MRRF: variants seen among roughly 807,000 people sequenced by gnomAD.
The protein encoded by MRRF is mitochondrial ribosome recycling factor.
A neutral mutation model predicts 25.1 loss-of-function variants in MRRF; 18 were observed. The observed-to-expected ratio is 0.72, with a 90% CI of 0.50 to 1.06. The LOEUF is 1.06. Ranked by LOEUF, MRRF falls within the 50% of genes least tolerant of loss-of-function variation. The pLI, the probability that MRRF is intolerant of heterozygous loss-of-function variation, is 0.00. For missense variants in MRRF, 323 were observed against 319.3 expected (o/e 1.01, Z -0.09); for synonymous variants, 113 against 112.1 (o/e 1.01, Z -0.05).
chr9:122,291,708 A>G (rs1426926509), intron 4 of MRRF, 41 bp from the exon 5 acceptor site: 1 of 1,413,668 alleles, frequency 7.1e-7, no homozygotes, highest in Non-Finnish European at 1.0e-6. Context: ...TCTGGTAATA[A>G]TTATTTACTA....
chr9:122,290,521 G>A (rs73557013), intron 4 of MRRF, among the ~76,000 whole-genome samples: 4,351 of 152,232 alleles, frequency 0.029, 189 homozygotes, highest in African/African-American at 0.094. Flanking sequence ...AGCCGTAGCA[G>A]TAAGGTTATT....
At chr9:122,271,150 C>A in intron 2 of MRRF, 75 bp downstream of exon 2, 1 of 1,224,622 alleles carries the variant, frequency 8.2e-7, no homozygotes, top group Non-Finnish European at 1.2e-6. Flanking sequence ...TGGCAGGTAT[C>A]TCAGATGTAC....
chr9:122,315,699 T>C (rs1346112022), intron 6 of MRRF, among the ~76,000 whole-genome samples: 1 of 152,014 alleles, frequency 6.6e-6, no homozygotes, highest in Non-Finnish European at 1.5e-5. Flanking sequence ...GCCGGCTCCT[T>C]GTCTTTCTCC....
At chr9:122,308,207 G>C (rs1057381486) in intron 5 of MRRF, among the ~76,000 whole-genome samples, 1 of 152,134 alleles carries the variant, frequency 6.6e-6, no homozygotes, top group Non-Finnish European at 1.5e-5. Flanking sequence ...ACCCAGCCAA[G>C]AAACTGCAAC....
chr9:122,286,435 T>C (rs928716721), intron 4 of MRRF, among the ~76,000 whole-genome samples: 28 of 152,212 alleles, frequency 1.8e-4, no homozygotes, highest in Non-Finnish European at 3.8e-4. Flanking sequence ...CCAGGCGTGG[T>C]GGCTCATGCC....
chr9:122,307,467 A>G (rs942284837), intron 5 of MRRF, among the ~76,000 whole-genome samples: 1 of 152,168 alleles, frequency 6.6e-6, no homozygotes, highest in African/African-American at 2.4e-5. Context: ...CCAAGTGGCT[A>G]AATCCTTTGT....
At chr9:122,288,479 A>C (rs1435589167) in intron 4 of MRRF, among the ~76,000 whole-genome samples, 1 of 152,262 alleles carries the variant, frequency 6.6e-6, no homozygotes, top group Non-Finnish European at 1.5e-5. Context: ...CTGTTGTGAC[A>C]GAGCCAGGAT....
At chr9:122,294,674 C>T (rs538218284) in intron 5 of MRRF, among the ~76,000 whole-genome samples, 2 of 152,230 alleles carry the variant, frequency 1.3e-5, no homozygotes, top group African/African-American at 4.8e-5. Context: ...GTAAGAGGAT[C>T]GAGGTTTTTA....
Position 122,270,859 on chromosome 9 carries a change from T to C in MRRF, c.-28-5T>C. 6.2e-7 allele frequency: 1 copy of C among 1,611,318 alleles called. No individual in the cohort carries two copies. The highest frequency in any genetic ancestry group is 8.5e-7 in the Non-Finnish European group (1 of 1,177,434). On this transcript the variant is annotated splice_region_variant and splice_polypyrimidine_tract_variant and intron_variant, in intron 1 of 6. Transcript: ENST00000344641. ...TAGATCTGCTTTTTGTCTTATTCTT[T>C]TTAGTGGATGTTTCCAAGGATTGTC...
At chr9:122,307,479 A>G (rs1038028214) in intron 5 of MRRF, among the ~76,000 whole-genome samples, 1 of 152,102 alleles carries the variant, frequency 6.6e-6, no homozygotes, top group African/African-American at 2.4e-5. Flanking sequence ...ATCCTTTGTG[A>G]CCATTTTCTC....
Position 122,321,749 on chromosome 9 carries a change from C to CT in MRRF, c.712-781dup, listed in dbSNP as rs912460329. ...AGATGTACCTCATTTTTTTTCAAGG[C>CT]TTTTTTTTTTCACTTAACTATTGGG... On this transcript the variant is annotated intron_variant, in intron 6 of 6. Coordinates refer to ENST00000344641, the MANE Select transcript of MRRF (RefSeq NM_138777.5). 7.2e-4 allele frequency among the ~76,000 whole-genome samples: 102 copies of CT among 141,162 alleles called. 1 individual carries two copies. Among genetic ancestry groups the CT allele is most frequent in the South Asian group, 2.8e-3 (12 of 4,346 alleles). 92.6% of individuals were successfully genotyped at this position (141,162 alleles called of 152,430 possible).
chr9:122,310,520 G>A (rs1297408270), intron 5 of MRRF, among the ~76,000 whole-genome samples: 2 of 152,212 alleles, frequency 1.3e-5, no homozygotes, highest in African/African-American at 2.4e-5. Flanking sequence ...TCCATAAGGC[G>A]GTTTCCAAAT....
chr9:122,273,627 A>G (rs1293233182), intron 2 of MRRF, among the ~76,000 whole-genome samples: 1 of 152,190 alleles, frequency 6.6e-6, no homozygotes, highest in Non-Finnish European at 1.5e-5. Context: ...CAAAGTGAAC[A>G]CAATCATGTA....
chr9:122,297,414 T>G (rs934434105), intron 5 of MRRF, among the ~76,000 whole-genome samples: 1 of 152,112 alleles, frequency 6.6e-6, no homozygotes, highest in Admixed American at 6.5e-5. Flanking sequence ...ATGTCTGGTA[T>G]CTCCTTCATT....
chr9:122,296,294 T>G (rs1834079570), intron 5 of MRRF, among the ~76,000 whole-genome samples: 1 of 152,244 alleles, frequency 6.6e-6, no homozygotes, highest in African/African-American at 2.4e-5. Flanking sequence ...GGATTGGTTT[T>G]TTTGGGACAT....
intron 6 of MRRF, among the ~76,000 whole-genome samples, chr9:122,316,642 A>T (rs1835548663): frequency 1.3e-5 from 2 of 151,972 alleles, no homozygotes; most frequent in South Asian, 4.2e-4. Flanking sequence ...GCATGTTTTA[A>T]AGATATAAAA....
At chr9:122,294,798 GGT>G (rs1833984582) in intron 5 of MRRF, among the ~76,000 whole-genome samples, 1 of 152,006 alleles carries the variant, frequency 6.6e-6, no homozygotes, top group Non-Finnish European at 1.5e-5. Context: ...GCAGAGATGT[GGT>G]GAGATTAATA....
chr9:122,308,176 C>T (rs908706660), intron 5 of MRRF, among the ~76,000 whole-genome samples: 2 of 152,102 alleles, frequency 1.3e-5, no homozygotes, highest in Non-Finnish European at 2.9e-5. Flanking sequence ...GCTCTCTGAC[C>T]CTAGCGGAAA....
intron 5 of MRRF, among the ~76,000 whole-genome samples, chr9:122,297,473 A>C (rs746990906): frequency 3.4e-4 from 52 of 151,056 alleles, no homozygotes; most frequent in Admixed American, 1.1e-3. Flanking sequence ...TCTGTACCTA[A>C]AAAAAAAAAC....
Sources: gnomAD v4.1 joint callset for allele counts (sites outside exome capture counted in the v4.1 genomes callset) on GRCh38, gnomAD v4.1.1 for gene constraint, MANE v1.5 for transcripts, NCBI Gene and HGNC (gene_info 2026-07-23, HGNC 2026-07-21) for gene names.